The following PAPPA variants were observed in gnomAD, a reference collection of about 807,000 sequenced individuals.
PAPPA encodes pappalysin-1.
A neutral mutation model predicts 164.0 loss-of-function variants in PAPPA; 60 were observed. The observed-to-expected ratio is 0.37, with a 90% CI of 0.30 to 0.45. PAPPA has a LOEUF of 0.45. PAPPA is among the 20% of genes least tolerant of loss of function. The pLI is 1.00. For missense variants in PAPPA, 1,782 were observed against 2,087.3 expected, an observed-to-expected ratio of 0.85 and a Z score of 2.85; for synonymous variants, 875 against 814.1, an observed-to-expected ratio of 1.07 and a Z score of -1.27.
chr9:116,322,325 G>A (rs1002989379), intron 10 of PAPPA, among the ~76,000 whole-genome samples: 7 of 149,894 alleles, frequency 4.7e-5, no homozygotes, highest in South Asian at 2.1e-4. Context: ...CAGGAGAACC[G>A]CTTGAACCTG....
intron 1 of PAPPA, among the ~76,000 whole-genome samples, chr9:116,182,873 G>A (rs1277759142): frequency 6.6e-6 from 1 of 152,156 alleles, no homozygotes; most frequent in Admixed American, 6.5e-5. Flanking sequence ...CTTTCCTGCT[G>A]CACCTCAACC....
chr9:116,282,603 T>G (rs1396791433), intron 9 of PAPPA, among the ~76,000 whole-genome samples: 1 of 152,258 alleles, frequency 6.6e-6, no homozygotes, highest in Non-Finnish European at 1.5e-5. Context: ...AGTAAGGAAA[T>G]GGAGGCACAG....
intron 5 of PAPPA, among the ~76,000 whole-genome samples, chr9:116,221,488 T>A (rs1258440658): frequency 6.6e-6 from 1 of 152,174 alleles, no homozygotes; most frequent in Non-Finnish European, 1.5e-5. Context: ...ACATACAGAA[T>A]CTCATTTAAT....
Position 116,340,561 on chromosome 9 carries a change from C to T in PAPPA, c.3612-3982C>T, listed in dbSNP as rs187610261. On this transcript the variant is annotated intron_variant, in intron 13 of 21. Transcript: ENST00000328252. ...AGGTGATGTAGGTGAAACAGAGTGG[C>T]CAATGCCTGACACATATTACCTCCC... is the stretch of plus-strand genomic sequence containing the variant. Among the ~76,000 whole-genome samples the T allele has an allele frequency of 1.1e-3, 166 of 152,270 alleles. 1 individual carries two copies. In the South Asian group the frequency reaches 0.028, roughly 26 times the overall value.
chr9:116,284,372 C>A (rs1218501247), intron 9 of PAPPA, among the ~76,000 whole-genome samples: 1 of 152,044 alleles, frequency 6.6e-6, no homozygotes, highest in Non-Finnish European at 1.5e-5. Flanking sequence ...ACTCCTGGTA[C>A]CTGTGAAGTG....
chr9:116,221,737 CAAA>C (rs939822564), intron 5 of PAPPA, among the ~76,000 whole-genome samples: 2 of 151,846 alleles, frequency 1.3e-5, no homozygotes, highest in African/African-American at 4.8e-5. Context: ...AAAAAAGCCA[CAAA>C]AAGAAGCAAG....
intron 9 of PAPPA, among the ~76,000 whole-genome samples, chr9:116,300,293 T>C (rs1402889194): frequency 1.4e-5 from 2 of 146,642 alleles, no homozygotes; most frequent in Non-Finnish European, 3.0e-5. Flanking sequence ...TTTTTGTTTT[T>C]TTCAGACAGG....
rs1362521108 is a variant in PAPPA at position 116,250,086 on chromosome 9, C to A, written c.2732+14449C>A. Among the ~76,000 whole-genome samples, 4 of 151,342 alleles carry A rather than the reference C, an allele frequency of 2.6e-5. No homozygotes were observed. The East Asian group carries it at 7.8e-4, about 29-fold the overall frequency. ...GGCAAACAAAGACCTGTGAGACCACCTGTTTTCATCATCTGCTGATTCTCA... is the reference window on the plus strand; with the variant it reads ...GGCAAACAAAGACCTGTGAGACCACATGTTTTCATCATCTGCTGATTCTCA... On this transcript the variant is annotated intron_variant, in intron 7 of 21. Transcript: ENST00000328252.
At position 116,187,913 on chromosome 9, in the gene PAPPA, C is replaced by T. The variant is rs1305958437; in HGVS notation, c.1175C>T (p.Ser392Phe). 1 of 1,614,164 alleles carries T rather than the reference C, an allele frequency of 6.2e-7. No homozygotes were observed. Among genetic ancestry groups the T allele is most frequent in the South Asian group, 1.1e-5 (1 of 91,084 alleles). The change falls in exon 2 of 22, where the codon TCC (serine) becomes TTC (phenylalanine). Residue 392 changes from serine to phenylalanine, a missense_variant. Transcript: ENST00000328252. The surrounding 1 kb of genome is among the most constrained non-coding windows in gnomAD (Gnocchi z 4.2). The stretch of plus-strand genomic sequence containing the variant: ...GAGGCCTTCAAGCAATACAACATCT[C>T]CTGGGAGCTGGACGTGCTGGAGGTG... Reference protein sequence around the residue: ...LAEAFKQYNISWELDVLEVSN... With the variant: ...LAEAFKQYNIFWELDVLEVSN...
chr9:116,290,699 T>G (rs1332164711), intron 9 of PAPPA, among the ~76,000 whole-genome samples: 1 of 152,110 alleles, frequency 6.6e-6, no homozygotes, highest in Non-Finnish European at 1.5e-5. Context: ...TTCCTTTCTC[T>G]CTCTCTTTTT....
chr9:116,371,173 T>C (rs1245009493), intron 19 of PAPPA, among the ~76,000 whole-genome samples: 8 of 126,786 alleles, frequency 6.3e-5, no homozygotes, highest in Admixed American at 3.3e-4. Flanking sequence ...TCCCAGCACA[T>C]TGTGAGGCCA....
Position 116,231,766 on chromosome 9 carries a change from C to CTTTTCTTTTTTT in PAPPA, c.2234-3369_2234-3368insCTTTTTTTTTTT, listed in dbSNP as rs1844599055. ...GTGGTTTTTCTTTTCTTTTCTTTTT[C>CTTTTCTTTTTTT]TTTTTTTTTTTTGAGATGGAGTTTC... On this transcript the variant is annotated intron_variant, in intron 6 of 21. Transcript: ENST00000328252. 3.5e-5 allele frequency among the ~76,000 whole-genome samples: 2 copies of CTTTTCTTTTTTT among 57,524 alleles called. 1 individual carries two copies. Among genetic ancestry groups the CTTTTCTTTTTTT allele is most frequent in the Non-Finnish European group, 6.2e-5 (2 of 32,224 alleles). 37.7% of individuals were successfully genotyped at this position (57,524 alleles called of 152,430 possible).
At chr9:116,353,592 G>C (rs747747622) in intron 16 of PAPPA, 30 bp from the exon 17 acceptor site, 13 of 1,604,254 alleles carry the variant, frequency 8.1e-6, no homozygotes, top group Non-Finnish European at 8.5e-6. Context: ...TGGTCCTTGA[G>C]ATGTCTCCTG....
At chr9:116,372,670 C>A (rs1043537889) in intron 19 of PAPPA, among the ~76,000 whole-genome samples, 1 of 151,962 alleles carries the variant, frequency 6.6e-6, no homozygotes, top group Non-Finnish European at 1.5e-5. Flanking sequence ...CCTTATAATG[C>A]CTTTAGGTGC....
intron 10 of PAPPA, among the ~76,000 whole-genome samples, chr9:116,317,493 C>A (rs372237102): frequency 1.3e-5 from 2 of 152,186 alleles, no homozygotes; most frequent in East Asian, 3.9e-4. Flanking sequence ...CTGAATTTCA[C>A]TCTAGAGCCA....
At chr9:116,229,056 A>C (rs888011505) in intron 6 of PAPPA, among the ~76,000 whole-genome samples, 12 of 152,080 alleles carry the variant, frequency 7.9e-5, no homozygotes, top group African/African-American at 2.9e-4. Context: ...TAAATGGCCA[A>C]TTACCATTCA....
intron 3 of PAPPA, among the ~76,000 whole-genome samples, chr9:116,209,830 C>G (rs1844284926): frequency 6.6e-6 from 1 of 152,146 alleles, no homozygotes; most frequent in Non-Finnish European, 1.5e-5. Context: ...TATTTTAGAG[C>G]TCACCAGAGA....
At chr9:116,245,601 G>A (rs1214381203) in intron 7 of PAPPA, among the ~76,000 whole-genome samples, 1 of 152,180 alleles carries the variant, frequency 6.6e-6, no homozygotes. Context: ...AGTTTAGTAA[G>A]AAGTAGCTGT....
intron 9 of PAPPA, among the ~76,000 whole-genome samples, chr9:116,296,178 A>T (rs931425540): frequency 6.6e-6 from 1 of 152,256 alleles, no homozygotes; most frequent in Non-Finnish European, 1.5e-5. Flanking sequence ...AGGAAATTTT[A>T]TAGTGAAGCT....
Sources: allele counts gnomAD v4.1 joint callset (sites outside exome capture counted in the v4.1 genomes callset), GRCh38; gene constraint gnomAD v4.1.1; non-coding constraint Gnocchi (gnomAD v3.1); transcripts MANE v1.5; gene names NCBI Gene and HGNC (gene_info 2026-07-23, HGNC 2026-07-21).